The following DPP10 variants were observed in gnomAD, a reference collection of about 807,000 sequenced individuals.
DPP10 encodes the protein inactive dipeptidyl peptidase 10.
In DPP10, 33 loss-of-function variants were observed where a neutral mutation model predicts 120.9. That is an observed-to-expected ratio of 0.27 (90% CI 0.21 to 0.37). The LOEUF (loss-of-function observed/expected upper bound fraction) is 0.37. DPP10 is among the 10% of genes least tolerant of loss of function. The pLI is 1.00. For synonymous variants in DPP10, 337 were observed against 326.1 expected, an observed-to-expected ratio of 1.03 and a Z score of -0.36; for missense variants, 816 against 942.8, an observed-to-expected ratio of 0.87 and a Z score of 1.76.
intron 1 of DPP10, among the ~76,000 whole-genome samples, chr2:114,946,052 T>TG (rs1174044229): frequency 1.3e-5 from 2 of 152,170 alleles, no homozygotes; most frequent in Non-Finnish European, 2.9e-5. Context: ...ACAAGGCGTC[T>TG]GAAAAACTGT....
At chr2:115,519,839 C>T (rs1351306646) in intron 4 of DPP10, among the ~76,000 whole-genome samples, 1 of 152,068 alleles carries the variant, frequency 6.6e-6, no homozygotes, top group Admixed American at 6.6e-5. Flanking sequence ...CATGCTCAAA[C>T]CAGGGAATTT....
chr2:115,402,937 A>ATT (rs1273593032), intron 3 of DPP10, among the ~76,000 whole-genome samples: 1 of 138,182 alleles, frequency 7.2e-6, no homozygotes. Flanking sequence ...ATGTATATAT[A>ATT]TATGTGTGTG....
At chr2:114,538,372 G>C (rs972426233) in intron 1 of DPP10, among the ~76,000 whole-genome samples, 8 of 152,148 alleles carry the variant, frequency 5.3e-5, no homozygotes, top group Admixed American at 1.3e-4. Context: ...GGGTTTTGGA[G>C]ATCTAGTGCA....
At chr2:115,022,067 G>A (rs528087174) in intron 1 of DPP10, among the ~76,000 whole-genome samples, 9 of 152,118 alleles carry the variant, frequency 5.9e-5, no homozygotes, top group Middle Eastern at 6.9e-3. Context: ...TATACTGAAC[G>A]GGGAAAAGTT....
chr2:115,040,804 C>T (rs1391551223), intron 1 of DPP10, among the ~76,000 whole-genome samples: 2 of 152,056 alleles, frequency 1.3e-5, no homozygotes, highest in African/African-American at 2.4e-5. Context: ...GCTCTCCTGT[C>T]GCCTTCTGCC....
At chr2:115,274,350 G>A (rs1269388936) in intron 1 of DPP10, among the ~76,000 whole-genome samples, 1 of 152,016 alleles carries the variant, frequency 6.6e-6, no homozygotes, top group Non-Finnish European at 1.5e-5. Flanking sequence ...GCCATACTTT[G>A]ACATTAAAAC....
chr2:114,794,341 A>T (rs867906500), intron 1 of DPP10, among the ~76,000 whole-genome samples: 1 of 152,236 alleles, frequency 6.6e-6, no homozygotes, highest in Non-Finnish European at 1.5e-5. Context: ...GTCTCAAATG[A>T]AAATGGAGCC....
In DPP10 at chr2:115,050,904, A is replaced by G. The variant is rs553643230; in HGVS notation, c.61-258335A>G. 3.3e-5 allele frequency among the ~76,000 whole-genome samples: 5 copies of G among 152,318 alleles called. No homozygotes were observed. In the East Asian group the frequency reaches 9.7e-4, roughly 29 times the overall value. On this transcript the variant is annotated intron_variant, in intron 1 of 25. Transcript: ENST00000410059. ...ACTAGCTGACTACTAACCTCACAGA[A>G]AAGAGATGTTATTGACCACACATGA...
At chr2:114,633,066 T>A (rs1018492761) in intron 1 of DPP10, among the ~76,000 whole-genome samples, 24 of 151,810 alleles carry the variant, frequency 1.6e-4, no homozygotes, top group African/African-American at 5.8e-4. Context: ...GAAAACAAAA[T>A]CTGGGTGCTA....
At chr2:115,067,453 C>T (rs1312081214) in intron 1 of DPP10, among the ~76,000 whole-genome samples, 2 of 150,576 alleles carry the variant, frequency 1.3e-5, no homozygotes, top group Non-Finnish European at 3.0e-5. Flanking sequence ...GGGGTTTCAC[C>T]GTGTTAGCCA....
At chr2:115,609,967 C>T (rs2083979862) in intron 5 of DPP10, among the ~76,000 whole-genome samples, 2 of 152,082 alleles carry the variant, frequency 1.3e-5, no homozygotes, top group South Asian at 4.1e-4. Flanking sequence ...TGATGTACAA[C>T]AGTTATCAAT....
At chr2:115,770,251 A>G (rs542772915) in intron 13 of DPP10, among the ~76,000 whole-genome samples, 1 of 152,170 alleles carries the variant, frequency 6.6e-6, no homozygotes, top group Admixed American at 6.5e-5. Context: ...ATACACCCAA[A>G]CCAAGAATTT....
intron 5 of DPP10, among the ~76,000 whole-genome samples, chr2:115,606,988 G>A (rs1373899561): frequency 1.3e-5 from 2 of 152,180 alleles, no homozygotes; most frequent in Non-Finnish European, 2.9e-5. Flanking sequence ...ATGTGAGGTT[G>A]GGATAGCTCT....
intron 5 of DPP10, among the ~76,000 whole-genome samples, chr2:115,673,988 G>A (rs2090091483): frequency 6.6e-6 from 1 of 152,148 alleles, no homozygotes; most frequent in Non-Finnish European, 1.5e-5. Flanking sequence ...AAGGCGGGTG[G>A]ATCACCTGAG....
At chr2:115,664,664 T>G (rs1016530281) in intron 5 of DPP10, among the ~76,000 whole-genome samples, 1 of 152,208 alleles carries the variant, frequency 6.6e-6, no homozygotes, top group Non-Finnish European at 1.5e-5. Context: ...GCTGCTGAGC[T>G]CACCACCTCC....
chr2:115,799,884 G>A (rs1387574981), intron 19 of DPP10, among the ~76,000 whole-genome samples: 7 of 151,798 alleles, frequency 4.6e-5, no homozygotes, highest in Non-Finnish European at 1.5e-5. Flanking sequence ...GAATAGTGCC[G>A]CTATGAACAT....
chr2:114,627,160 C>T (rs1395209353), intron 1 of DPP10, among the ~76,000 whole-genome samples: 3 of 152,032 alleles, frequency 2.0e-5, no homozygotes, highest in African/African-American at 4.8e-5. Context: ...CCAGGTCTTG[C>T]TCACCAGTTA....
intron 1 of DPP10, among the ~76,000 whole-genome samples, chr2:115,258,798 G>T (rs535226131): frequency 6.6e-6 from 1 of 152,168 alleles, no homozygotes; most frequent in Non-Finnish European, 1.5e-5. Context: ...TGTGGAAGCT[G>T]AAGTGGGAGG....
rs1312311312 is a variant in DPP10, at chr2:115,836,265, T to G, written c.2050+9T>G. ...AGACTTGAAATTGTATGGTGAGTAC[T>G]TTCTACAGACTGACCTAGTATAATG... On this transcript the variant is annotated intron_variant, in intron 22 of 25. Transcript: ENST00000410059. 13 of 1,594,716 alleles carry G rather than the reference T, an allele frequency of 8.2e-6. No individual in the cohort carries two copies. The highest frequency in any genetic ancestry group is 1.1e-5 in the Non-Finnish European group (13 of 1,170,628).
Sources: gnomAD v4.1 joint callset for allele counts (sites outside exome capture counted in the v4.1 genomes callset) on GRCh38, gnomAD v4.1.1 for gene constraint, MANE v1.5 for transcripts, NCBI Gene and HGNC (gene_info 2026-07-23, HGNC 2026-07-21) for gene names.